EBF3: variants seen among roughly 807,000 people sequenced by gnomAD.
The protein encoded by EBF3 is EBF transcription factor 3.
Under a neutral mutation model 77.1 loss-of-function variants are expected in EBF3, and 18 were observed. That is an observed-to-expected ratio of 0.23 (90% CI 0.16 to 0.35). EBF3 has a LOEUF of 0.35. EBF3 is among the 10% of genes least tolerant of loss of function. EBF3 has a pLI of 1.00. For missense variants in EBF3, 558 were observed against 860.0 expected (o/e 0.65, Z 4.39); for synonymous variants, 350 against 343.5 (o/e 1.02, Z -0.21).
At chr10:129,929,011 G>A (rs113751439) in intron 6 of EBF3, among the ~76,000 whole-genome samples, 1 of 152,108 alleles carries the variant, frequency 6.6e-6, no homozygotes, top group African/African-American at 2.4e-5. Flanking sequence ...CCTTGCAGGT[G>A]ATCCCCATGA....
intron 6 of EBF3, among the ~76,000 whole-genome samples, chr10:129,936,623 G>A (rs1857379630): frequency 6.6e-6 from 1 of 151,094 alleles, no homozygotes; most frequent in Non-Finnish European, 1.5e-5. Context: ...CAGGGGTTAT[G>A]GCAGGGGACC....
chr10:129,872,211 A>T (rs1302057293), intron 8 of EBF3, among the ~76,000 whole-genome samples: 7 of 152,218 alleles, frequency 4.6e-5, no homozygotes, highest in Non-Finnish European at 8.8e-5. Flanking sequence ...AGGACCGGGG[A>T]TTCAACCTTC....
intron 10 of EBF3, among the ~76,000 whole-genome samples, chr10:129,851,310 A>G (rs1319294086): frequency 6.6e-6 from 1 of 152,134 alleles, no homozygotes; most frequent in Non-Finnish European, 1.5e-5. Context: ...AGAAGAATAA[A>G]GCAAATTTGT....
At position 129,938,378 on chromosome 10, in the gene EBF3, TA is replaced by T. The variant is rs71007573; in HGVS notation, c.554+18879del. 0.74 allele frequency among the ~76,000 whole-genome samples: 101,937 copies of T among 136,946 alleles called. 37,731 individuals are homozygous for T. The highest frequency in any genetic ancestry group is 0.94 in the East Asian group (4,383 of 4,660). The allele number at this position is 136,946 out of a possible 152,430, so 89.8% of individuals were successfully genotyped here. The stretch of plus-strand genomic sequence containing the variant: ...AACATGGCAAAACCCCATCTCTATT[TA>T]AAAAAAAAAAAAAAAAAGACAAAAA... On this transcript the variant is annotated intron_variant, in intron 6 of 16. Transcript: ENST00000440978. This position sits in a 1 kb window ranked among gnomAD's most constrained non-coding sequence, Gnocchi z 5.1.
chr10:129,886,807 G>A (rs575277731), intron 6 of EBF3, among the ~76,000 whole-genome samples: 20 of 151,980 alleles, frequency 1.3e-4, no homozygotes, highest in Non-Finnish European at 2.1e-4. Flanking sequence ...ACATTAGCAC[G>A]GTTCTCCTAA....
intron 6 of EBF3, among the ~76,000 whole-genome samples, chr10:129,936,666 G>A (rs984652087): frequency 2.0e-5 from 3 of 151,660 alleles, no homozygotes; most frequent in Admixed American, 2.0e-4. Flanking sequence ...GCTGTGTAGG[G>A]GACCTGCAGC....
intron 9 of EBF3, 63 bp from the exon 10 acceptor site, chr10:129,867,330 CA>C: frequency 6.3e-7 from 1 of 1,598,726 alleles, no homozygotes; most frequent in Non-Finnish European, 8.5e-7. Context: ...GGACACTTGC[CA>C]GTTGGATATA....
At chr10:129,853,165 G>T (rs915821108) in intron 10 of EBF3, among the ~76,000 whole-genome samples, 1 of 152,210 alleles carries the variant, frequency 6.6e-6, no homozygotes, top group African/African-American at 2.4e-5. Flanking sequence ...AGCCACAGTT[G>T]TGTTTTTAAA....
At chr10:129,919,341 G>T (rs1856110316) in intron 6 of EBF3, among the ~76,000 whole-genome samples, 1 of 152,144 alleles carries the variant, frequency 6.6e-6, no homozygotes, top group African/African-American at 2.4e-5. Context: ...CGGAGGCTGG[G>T]AGGGGTCTGG....
chr10:129,889,802 C>A (rs1378583507), intron 6 of EBF3, among the ~76,000 whole-genome samples: 410 of 114,730 alleles, frequency 3.6e-3, no homozygotes, highest in Admixed American at 4.8e-3. Context: ...GTCACATCTG[C>A]AAAAAAAAAA....
rs1326743650 is a variant in EBF3, at chr10:129,836,886, A to G, written c.*1057T>C. ...TTAGCAACTGCAAGTGTTCATGGGA[A>G]AGTAAGTGTCAAATGAAGACCATTT... On this transcript the variant is annotated 3_prime_UTR_variant, in exon 17 of 17. Coordinates refer to ENST00000440978, the MANE Select transcript of EBF3 (RefSeq NM_001375380.1). The G allele has an allele frequency of 6.5e-6, 1 of 152,698 alleles. No individual in the cohort carries two copies. The highest frequency in any genetic ancestry group is 1.5e-5 in the Non-Finnish European group (1 of 68,048). The allele number at this position is 152,698 out of a possible 1,614,324, so 9.5% of individuals were successfully genotyped here.
intron 11 of EBF3, chr10:129,845,762 A>G (rs201003434): frequency 6.6e-6 from 1 of 151,888 alleles, no homozygotes; most frequent in East Asian, 1.9e-4. Context: ...ATATTAGAAA[A>G]AAAGAACAGA....
intron 6 of EBF3, among the ~76,000 whole-genome samples, chr10:129,955,498 A>G (rs1858970510): frequency 1.3e-5 from 2 of 152,264 alleles, no homozygotes; most frequent in South Asian, 4.1e-4. Context: ...AATATGAGTA[A>G]TCTTAGCACA....
intron 6 of EBF3, among the ~76,000 whole-genome samples, chr10:129,946,865 G>C (rs1450801605): frequency 1.3e-5 from 2 of 152,316 alleles, no homozygotes; most frequent in South Asian, 4.1e-4. Context: ...GTTATATTTA[G>C]AACCTGCTTG....
intron 4 of EBF3, among the ~76,000 whole-genome samples, chr10:129,959,287 C>G (rs1295263614): frequency 6.6e-6 from 1 of 151,996 alleles, no homozygotes; most frequent in South Asian, 2.1e-4. Flanking sequence ...GGGCTCGGGC[C>G]GCGGGGAGGG....
intron 6 of EBF3, among the ~76,000 whole-genome samples, chr10:129,949,049 A>G (rs1357598169): frequency 6.6e-6 from 1 of 152,258 alleles, no homozygotes; most frequent in African/African-American, 2.4e-5. Context: ...CTGTAATCCC[A>G]GCACTTTGGG....
At chr10:129,901,072 C>G (rs1256967383) in intron 6 of EBF3, among the ~76,000 whole-genome samples, 4 of 152,190 alleles carry the variant, frequency 2.6e-5, no homozygotes, top group Non-Finnish European at 4.4e-5. Context: ...CTGATAAGAA[C>G]CATTCTCAAC....
Position 129,963,669 on chromosome 10 carries a change from C to T in EBF3, c.100G>A (p.Ala34Thr). 6.6e-7 allele frequency: 1 copy of T among 1,509,482 alleles called. No homozygotes were observed. 93.5% of individuals were successfully genotyped at this position (1,509,482 alleles called of 1,614,324 possible). ...GCCGTGTTGGCGTCCACCACGCCCG[C>T]CGTGTGCATCCACGAGCGCACCGGG... ...MNPVRSWMHT[A>T]GVVDANTAAQ... The change falls in exon 1 of 17, where the codon GCG (alanine) becomes ACG (threonine). Residue 34 changes from alanine (A) to threonine (T), a missense_variant. This residue lies in a region of EBF3 where 64 missense variants were observed against 54.5 expected (regional missense o/e 1.18). Transcript: ENST00000440978. The surrounding 1 kb of genome is among the most constrained non-coding windows in gnomAD (Gnocchi z 7.1).
rs184624558 is a variant in EBF3, at chr10:129,907,807, G to A, written c.555-29958C>T. Among the ~76,000 whole-genome samples, 890 of 152,252 alleles carry A rather than the reference G, an allele frequency of 5.8e-3. 4 individuals are homozygous for A. Among genetic ancestry groups the A allele is most frequent in the Middle Eastern group, 0.017 (5 of 294 alleles). ...CAATAACACTCTCAGGTAATCGTAC[G>A]TTGTCGCATGTAAAGTGCACTCTCC... On this transcript the variant is annotated intron_variant, in intron 6 of 16. Transcript: ENST00000440978.
Sources: gnomAD v4.1 joint callset for allele counts (sites outside exome capture counted in the v4.1 genomes callset) on GRCh38, gnomAD v4.1.1 for gene constraint, gnomAD v4.1.1 regional missense constraint, Gnocchi (gnomAD v3.1) non-coding constraint, MANE v1.5 for transcripts, NCBI Gene and HGNC (gene_info 2026-07-23, HGNC 2026-07-21) for gene names.